THSD7B: variants seen among roughly 807,000 people sequenced by gnomAD.
The protein encoded by THSD7B is thrombospondin type-1 domain-containing protein 7B.
In THSD7B, 138 loss-of-function variants were observed where a neutral mutation model predicts 213.6. The ratio of observed to expected loss-of-function variants is 0.65; its 90% CI spans 0.56 to 0.74. THSD7B has a LOEUF of 0.74. THSD7B is among the 30% of genes least tolerant of loss of function. The pLI is 0.00. For missense variants in THSD7B, 1,931 were observed against 1,991.5 expected, an observed-to-expected ratio of 0.97 and a Z score of 0.58; for synonymous variants, 742 against 687.0, an observed-to-expected ratio of 1.08 and a Z score of -1.25.
chr2:137,675,830 AC>A (rs1177096069), intron 27 of THSD7B, among the ~76,000 whole-genome samples: 2 of 152,160 alleles, frequency 1.3e-5, no homozygotes, highest in Admixed American at 1.3e-4. Context: ...ATTAAAGGTT[AC>A]AAGCATTTAT....
At chr2:137,063,587 CA>C (rs1687319780) in intron 3 of THSD7B, among the ~76,000 whole-genome samples, 1 of 151,986 alleles carries the variant, frequency 6.6e-6, no homozygotes, top group African/African-American at 2.4e-5. Flanking sequence ...TTTACTATAT[CA>C]CTCTGTTTTG....
intron 7 of THSD7B, among the ~76,000 whole-genome samples, chr2:137,186,143 T>C (rs1439988775): frequency 1.3e-5 from 2 of 152,166 alleles, no homozygotes; most frequent in Non-Finnish European, 2.9e-5. Flanking sequence ...CTTTGTTGGA[T>C]GCAGAGTTTG....
chr2:137,107,772 G>A (rs922548048), intron 4 of THSD7B, among the ~76,000 whole-genome samples: 8 of 152,160 alleles, frequency 5.3e-5, no homozygotes, highest in Non-Finnish European at 7.3e-5. Flanking sequence ...GCTAAGTGCT[G>A]TATATGGCGA....
At position 137,090,863 on chromosome 2, in the gene THSD7B, T is replaced by C. The variant is rs1573817037; in HGVS notation, c.951-4010T>C. On this transcript the variant is annotated intron_variant, in intron 3 of 27. Coordinates refer to ENST00000409968, the MANE Select transcript of THSD7B (RefSeq NM_001316349.2). ...TTTTACTATTGTTTCTCTCTGCTGA[T>C]AATGAAGCTTAGCAGCTAAGAGATT... is the stretch of plus-strand genomic sequence containing the variant. 2.0e-5 allele frequency among the ~76,000 whole-genome samples: 3 copies of C among 152,214 alleles called. No individual in the cohort carries two copies. In the East Asian group the frequency reaches 5.8e-4, roughly 29 times the overall value.
intron 12 of THSD7B, among the ~76,000 whole-genome samples, chr2:137,355,207 T>C (rs1374262191): frequency 6.6e-6 from 1 of 152,190 alleles, no homozygotes; most frequent in African/African-American, 2.4e-5. Context: ...GGTTGAGTTT[T>C]ATTTTTGCTG....
At chr2:136,903,948 GTGTGTGTGTGTGTGTGTGTGTGTGTT>G (rs1684106936) in intron 2 of THSD7B, among the ~76,000 whole-genome samples, 2 of 58,960 alleles carry the variant, frequency 3.4e-5, no homozygotes, top group Admixed American at 2.5e-4. Context: ...GTGTGTGTGT[GTGTGTGTGTGTGTGTGTGTGTGTGTT>G]TGTTTGTTTC....
At chr2:137,581,655 G>A (rs890761305) in intron 17 of THSD7B, among the ~76,000 whole-genome samples, 3 of 151,132 alleles carry the variant, frequency 2.0e-5, no homozygotes, top group African/African-American at 4.9e-5. Context: ...TACTACTTGG[G>A]AGGCTGAGGC....
chr2:136,971,697 A>G (rs576064485), intron 2 of THSD7B, among the ~76,000 whole-genome samples: 84 of 151,754 alleles, frequency 5.5e-4, no homozygotes, highest in Non-Finnish European at 1.0e-3. Flanking sequence ...ACATATGTAT[A>G]TATATTATAC....
At chr2:137,669,220 C>G (rs1159268867) in intron 27 of THSD7B, among the ~76,000 whole-genome samples, 2 of 152,094 alleles carry the variant, frequency 1.3e-5, no homozygotes, top group African/African-American at 4.8e-5. Flanking sequence ...CAGCCATTGT[C>G]TATTAACCTC....
At chr2:136,933,132 C>T (rs1384245914) in intron 2 of THSD7B, among the ~76,000 whole-genome samples, 1 of 57,210 alleles carries the variant, frequency 1.7e-5, no homozygotes, top group Non-Finnish European at 7.2e-5. Context: ...TCCTTCCTTC[C>T]TTCCTTCCTT....
chr2:137,364,570 C>G (rs1393914337), intron 12 of THSD7B, among the ~76,000 whole-genome samples: 1 of 151,984 alleles, frequency 6.6e-6, no homozygotes, highest in African/African-American at 2.4e-5. Flanking sequence ...ATCAATGTGC[C>G]AAAATCACAA....
chr2:137,393,375 T>C (rs1162037576), intron 12 of THSD7B, among the ~76,000 whole-genome samples: 16 of 151,446 alleles, frequency 1.1e-4, no homozygotes, highest in Admixed American at 9.2e-4. Context: ...GTGATCTCAT[T>C]GTTCAATTCC....
chr2:137,200,276 T>C (rs1039056184), intron 7 of THSD7B, among the ~76,000 whole-genome samples: 2 of 152,104 alleles, frequency 1.3e-5, no homozygotes, highest in East Asian at 1.9e-4. Flanking sequence ...GCTGTGTCAG[T>C]GCTTCTGGAA....
At position 137,095,004 on chromosome 2, in the gene THSD7B, T is replaced by A. The variant is rs745857909; in HGVS notation, c.1082T>A (p.Phe361Tyr). The change falls in exon 4 of 28, where the codon TTT becomes TAT. Residue 361 changes from phenylalanine to tyrosine, a missense_variant. Coordinates refer to ENST00000409968, the MANE Select transcript of THSD7B (RefSeq NM_001316349.2). Reference sequence around the variant, plus strand: ...CGTTCAGGGAGTCTCTTGCCAGGATTTAGGAGCAGGAGCCGGAACGTGAAG... The same window carrying A: ...CGTTCAGGGAGTCTCTTGCCAGGATATAGGAGCAGGAGCCGGAACGTGAAG... ...TCRSGSLLPGFRSRSRNVKHM... is the reference protein window; with the variant it reads ...TCRSGSLLPGYRSRSRNVKHM... 29 of 1,613,644 alleles carry A rather than the reference T, an allele frequency of 1.8e-5. No homozygotes were observed. The East Asian group carries it at 6.0e-4, about 33-fold the overall frequency.
chr2:137,535,713 A>G (rs1473277771), intron 15 of THSD7B, among the ~76,000 whole-genome samples: 1 of 151,766 alleles, frequency 6.6e-6, no homozygotes, highest in Non-Finnish European at 1.5e-5. Flanking sequence ...GACTGCAAAG[A>G]AGTAAAAATA....
intron 1 of THSD7B, among the ~76,000 whole-genome samples, chr2:136,878,163 A>G (rs573543189): frequency 3.3e-4 from 50 of 152,310 alleles, no homozygotes; most frequent in African/African-American, 1.1e-3. Flanking sequence ...GAATGAGAAC[A>G]TGCGGTGTTT....
intron 7 of THSD7B, among the ~76,000 whole-genome samples, chr2:137,212,803 G>T (rs1405880627): frequency 6.6e-6 from 1 of 151,996 alleles, no homozygotes; most frequent in Non-Finnish European, 1.5e-5. Context: ...GAGTCTTGAG[G>T]ATGGCTCCAG....
intron 12 of THSD7B, among the ~76,000 whole-genome samples, chr2:137,404,460 TATATATATATATATACACACACACACAC>T (rs1686453566): frequency 9.8e-6 from 1 of 102,332 alleles, no homozygotes; most frequent in Non-Finnish European, 1.9e-5. Flanking sequence ...TATATATATA[TATATATATATATATACACACACACACAC>T]ACACACACAC....
In THSD7B at chr2:137,233,144, G is replaced by T. The variant is rs755488896; in HGVS notation, c.2150+11G>T. On this transcript the variant is annotated intron_variant, in intron 9 of 27. Transcript: ENST00000409968. Reference sequence around the variant, plus strand: ...AGTAATGACCAAAAGGTATTTATTAGGCTGTTACTGAAAATGCATTTGCTT... The same window carrying T: ...AGTAATGACCAAAAGGTATTTATTATGCTGTTACTGAAAATGCATTTGCTT... The T allele has an allele frequency of 2.4e-5, 38 of 1,602,000 alleles. No homozygotes were observed. The highest frequency in any genetic ancestry group is 3.1e-5 in the Non-Finnish European group (36 of 1,172,362).
Sources: gnomAD v4.1 joint callset for allele counts (sites outside exome capture counted in the v4.1 genomes callset) on GRCh38, gnomAD v4.1.1 for gene constraint, MANE v1.5 for transcripts, NCBI Gene and HGNC (gene_info 2026-07-23, HGNC 2026-07-21) for gene names.